Variants in CLSTN1 observed in about 807,000 individuals in gnomAD.
CLSTN1 encodes calsyntenin 1, also known as calsyntenin-1.
Under a neutral mutation model 108.3 loss-of-function variants are expected in CLSTN1, and 28 were observed. That is an observed-to-expected ratio of 0.26 (90% CI 0.19 to 0.35). The LOEUF is 0.35. Ranked by LOEUF, CLSTN1 falls within the 10% of genes least tolerant of loss-of-function variation. The pLI, the probability that CLSTN1 is intolerant of heterozygous loss-of-function variation, is 1.00. For missense variants in CLSTN1, 1,157 were observed against 1,302.6 expected (o/e 0.89, Z 1.72); for synonymous variants, 524 against 534.9 (o/e 0.98, Z 0.28).
At chr1:9,750,601 A>G (rs964824684) in intron 5 of CLSTN1, among the ~76,000 whole-genome samples, 1 of 151,326 alleles carries the variant, frequency 6.6e-6, no homozygotes, top group Non-Finnish European at 1.5e-5. Flanking sequence ...AGTCCCAGCT[A>G]CTAGCGAGGC....
At chr1:9,816,951 G>T (rs1439835581) in intron 1 of CLSTN1, among the ~76,000 whole-genome samples, 1 of 151,944 alleles carries the variant, frequency 6.6e-6, no homozygotes, top group Non-Finnish European at 1.5e-5. Context: ...CCAGCCGGTG[G>T]TCCTCCTTTG....
intron 9 of CLSTN1, among the ~76,000 whole-genome samples, chr1:9,741,714 C>T (rs554363298): frequency 1.3e-5 from 2 of 152,342 alleles, no homozygotes; most frequent in African/African-American, 2.4e-5. Flanking sequence ...GAGTTTGAGA[C>T]CAGCCTGGCC....
intron 1 of CLSTN1, among the ~76,000 whole-genome samples, chr1:9,779,543 T>C (rs760120174): frequency 9.2e-5 from 14 of 151,778 alleles, no homozygotes; most frequent in Non-Finnish European, 1.9e-4. Flanking sequence ...ACCATGGAGT[T>C]TGACTCCAGC....
intron 15 of CLSTN1, 34 bp downstream of exon 15, chr1:9,733,938 T>G (rs1262657191): frequency 6.3e-7 from 1 of 1,582,088 alleles, no homozygotes; most frequent in Non-Finnish European, 8.6e-7. Flanking sequence ...TCTTGCAGCC[T>G]GGCCCACCTG....
At chr1:9,784,012 T>C (rs1374209745) in intron 1 of CLSTN1, among the ~76,000 whole-genome samples, 1 of 144,764 alleles carries the variant, frequency 6.9e-6, no homozygotes, top group Non-Finnish European at 1.5e-5. Context: ...ATAATAATAA[T>C]AATACAAAAA....
At position 9,729,350 on chromosome 1, in the gene CLSTN1, T is replaced by G. The variant is rs1650197724; in HGVS notation, c.*1158A>C. 1 of 152,562 alleles carries G rather than the reference T, an allele frequency of 6.6e-6. No individual in the cohort carries two copies. The highest frequency in any genetic ancestry group is 1.5e-5 in the Non-Finnish European group (1 of 68,052). 9.5% of individuals were successfully genotyped at this position (152,562 alleles called of 1,614,324 possible). ...TTTTAGACCATGACTGTTTGTTTGC[T>G]CTCCTGCCCTACCACCAAGCAAAGC... On this transcript the variant is annotated 3_prime_UTR_variant, in exon 19 of 19. Transcript: ENST00000377298.
intron 2 of CLSTN1, among the ~76,000 whole-genome samples, chr1:9,758,945 T>C (rs1651942257): frequency 6.6e-6 from 1 of 152,190 alleles, no homozygotes; most frequent in Non-Finnish European, 1.5e-5. Flanking sequence ...CCACTAGCCA[T>C]GTGGGGCTGT....
intron 1 of CLSTN1, among the ~76,000 whole-genome samples, chr1:9,816,326 C>A (rs1654968061): frequency 6.6e-6 from 1 of 152,008 alleles, no homozygotes; most frequent in Non-Finnish European, 1.5e-5. Flanking sequence ...AGAAAATAGA[C>A]TAGGGGTTGC....
chr1:9,756,536 G>C (rs764001978), intron 2 of CLSTN1, 26 bp from the exon 3 acceptor site: 2 of 1,604,358 alleles, frequency 1.2e-6, no homozygotes, highest in Non-Finnish European at 1.7e-6. Flanking sequence ...ATAAGCCCAT[G>C]TCAGTAATAC....
At chr1:9,754,327 C>T (rs1023593348) in intron 4 of CLSTN1, among the ~76,000 whole-genome samples, 2 of 151,912 alleles carry the variant, frequency 1.3e-5, no homozygotes, top group African/African-American at 4.8e-5. Flanking sequence ...TTTGGGAGGC[C>T]GAGGCAGGTG....
chr1:9,754,900 G>A (rs1044887498), intron 4 of CLSTN1, among the ~76,000 whole-genome samples: 5 of 152,126 alleles, frequency 3.3e-5, no homozygotes, highest in Non-Finnish European at 7.4e-5. Flanking sequence ...TATGCCTAAT[G>A]TGAGCAAGGC....
In CLSTN1 at chr1:9,756,462, A is replaced by G. The variant is rs902275187; in HGVS notation, c.244+19T>C. On this transcript the variant is annotated intron_variant, in intron 3 of 18. Transcript: ENST00000377298. ...GTGGGTTAATATTCATAAGAGGGGA[A>G]GAAAGAACCCTTTATCACCTTCTTT... 2 of 1,607,810 alleles carry G rather than the reference A, an allele frequency of 1.2e-6. No homozygotes were observed. The highest frequency in any genetic ancestry group is 1.7e-6 in the Non-Finnish European group (2 of 1,174,606).
intron 12 of CLSTN1, 28 bp downstream of exon 12, chr1:9,735,855 AGT>A: frequency 6.2e-7 from 1 of 1,612,290 alleles, no homozygotes; most frequent in African/African-American, 1.3e-5. Flanking sequence ...GGGGCCCATG[AGT>A]GGTGTGCAGT....
At chr1:9,756,281 T>C (rs1195392628) in intron 3 of CLSTN1, among the ~76,000 whole-genome samples, 200 bp downstream of exon 3, 1 of 152,228 alleles carries the variant, frequency 6.6e-6, no homozygotes, top group Non-Finnish European at 1.5e-5. Flanking sequence ...CAAATGGATG[T>C]CTGATTTCCA....
At chr1:9,751,753 G>C in intron 4 of CLSTN1, 72 bp from the exon 5 acceptor site, 1 of 1,363,250 alleles carries the variant, frequency 7.3e-7, no homozygotes, top group South Asian at 1.2e-5. Context: ...GAGTGTGTAT[G>C]TGTGTTTACC....
intron 1 of CLSTN1, among the ~76,000 whole-genome samples, chr1:9,776,846 TATC>T (rs1344512916): frequency 4.3e-5 from 6 of 140,982 alleles, no homozygotes; most frequent in South Asian, 4.5e-4. Flanking sequence ...AGCATTTATC[TATC>T]ATCTATCAGC....
intron 1 of CLSTN1, among the ~76,000 whole-genome samples, chr1:9,801,709 C>T (rs1654278303): frequency 6.6e-6 from 1 of 152,204 alleles, no homozygotes; most frequent in South Asian, 2.1e-4. Flanking sequence ...CATGCACCAC[C>T]ATGCCCGGCT....
In CLSTN1 at chr1:9,734,866, G is replaced by C; in HGVS notation, c.2110+82C>G. On this transcript the variant is annotated intron_variant, in intron 14 of 18. Coordinates refer to ENST00000377298, the MANE Select transcript of CLSTN1 (RefSeq NM_001009566.3). This position sits in a 1 kb window ranked among gnomAD's most constrained non-coding sequence, Gnocchi z 4.8. ...TTAAAACCTCCCCAAATCCCACAGA[G>C]ACAAAGAGCCCCGCCAAGTACATGG... 3.3e-6 allele frequency: 4 copies of C among 1,204,478 alleles called. No homozygotes were observed. The South Asian group carries it at 4.9e-5, about 15-fold the overall frequency. The allele number at this position is 1,204,478 out of a possible 1,614,324, so 74.6% of individuals were successfully genotyped here.
rs1651469791 is a variant in CLSTN1 at position 9,749,860 on chromosome 1, G to T, written c.703C>A (p.Leu235Met). 6.2e-7 allele frequency: 1 copy of T among 1,613,838 alleles called. No homozygotes were observed. Among genetic ancestry groups the T allele is most frequent in the Non-Finnish European group, 8.5e-7 (1 of 1,179,756 alleles). The change falls in exon 6 of 19, where the codon CTG becomes ATG. Residue 235 changes from leucine to methionine, a missense_variant. Physicochemically the swap from Leu to Met is conservative, Grantham distance 15. Coordinates refer to ENST00000377298, the MANE Select transcript of CLSTN1 (RefSeq NM_001009566.3). ...LNYGKEHQYK[L>M]TVTAYDCGKK... ...CCACAGTCATAGGCAGTGACGGTCA[G>T]CTTATATTGATGTTCTTTCCCGTAG... is the stretch of plus-strand genomic sequence containing the variant.
Sources: allele counts gnomAD v4.1 joint callset (sites outside exome capture counted in the v4.1 genomes callset), GRCh38; gene constraint gnomAD v4.1.1; non-coding constraint Gnocchi (gnomAD v3.1); transcripts MANE v1.5; gene names NCBI Gene and HGNC (gene_info 2026-07-23, HGNC 2026-07-21).